The following MGST1 variants were observed in gnomAD, a reference collection of about 807,000 sequenced individuals.
The protein encoded by MGST1 is microsomal glutathione S-transferase 1.
MGST1 carries 5 observed loss-of-function variants against 8.9 expected under a neutral mutation model. The observed-to-expected ratio is 0.56, with a 90% CI of 0.29 to 1.19. The LOEUF (loss-of-function observed/expected upper bound fraction) is 1.19. Ranked by LOEUF, MGST1 falls within the 50% of genes most tolerant of loss-of-function variation. The pLI, the probability that MGST1 is intolerant of heterozygous loss-of-function variation, is 0.08. For synonymous variants in MGST1, 54 were observed against 67.8 expected, an observed-to-expected ratio of 0.80 and a Z score of 1.00; for missense variants, 182 against 187.4, an observed-to-expected ratio of 0.97 and a Z score of 0.17.
At chr12:16,487,642 T>G (rs1175131202) in intron 4 of MGST1, among the ~76,000 whole-genome samples, 1 of 152,152 alleles carries the variant, frequency 6.6e-6, no homozygotes, top group Non-Finnish European at 1.5e-5. Flanking sequence ...ATCTTCTAGA[T>G]CAAGTGATAG....
At chr12:16,408,182 C>A (rs959958358) in intron 1 of MGST1, among the ~76,000 whole-genome samples, 7 of 151,360 alleles carry the variant, frequency 4.6e-5, no homozygotes, top group Non-Finnish European at 7.4e-5. Flanking sequence ...GACATATGGA[C>A]ATAAAGAAGA....
At position 16,417,355 on chromosome 12, in the gene MGST1, A is replaced by G. The variant is rs565753887; in HGVS notation, n.779-20033A>G. ...GCAGCATGGGGGAACTGCCTCCATG[A>G]TCTAATCACCTCCCATGAAGTCCCT... On this transcript the variant is annotated intron_variant and non_coding_transcript_variant, in intron 1 of 1. Coordinates refer to the MGST1 transcript ENST00000359720. Among the ~76,000 whole-genome samples the G allele has an allele frequency of 4.6e-5, 7 of 152,266 alleles. No homozygotes were observed. In the South Asian group the frequency reaches 1.5e-3, roughly 32 times the overall value.
chr12:16,353,367 C>G (rs2136931179), intron 1 of MGST1: 1 of 152,266 alleles, frequency 6.6e-6, no homozygotes, highest in South Asian at 2.1e-4. Flanking sequence ...GAAATTTAGT[C>G]TCAGAGACTG....
chr12:16,376,330 AT>A (rs1449620648), exon 4 of MGST1: 5 of 474,906 alleles, frequency 1.1e-5, no homozygotes, highest in African/African-American at 2.0e-5. Flanking sequence ...ACAATCGGAA[AT>A]TAGCTATTAC....
rs117837293 is a variant in MGST1, at chr12:16,389,325, A to T, written n.778+5721A>T. ...CAGTTATTTGTAATGCAAGAGCACA[A>T]CTTGCCTAAAAATAATGTTGAGAAT... On this transcript the variant is annotated intron_variant and non_coding_transcript_variant, in intron 1 of 1. Coordinates refer to the MGST1 transcript ENST00000359720. This position sits in a 1 kb window ranked among gnomAD's most constrained non-coding sequence, Gnocchi z 4.6. Among the ~76,000 whole-genome samples the T allele has an allele frequency of 6.6e-6, 1 of 152,236 alleles. No individual in the cohort carries two copies. The highest frequency in any genetic ancestry group is 1.9e-4 in the East Asian group (1 of 5,190).
chr12:16,425,252 A>G (rs1039881864), intron 1 of MGST1, among the ~76,000 whole-genome samples: 1 of 152,200 alleles, frequency 6.6e-6, no homozygotes, highest in Non-Finnish European at 1.5e-5. Flanking sequence ...CCATAAAAAT[A>G]TAAATATTTT....
intron 1 of MGST1, among the ~76,000 whole-genome samples, chr12:16,427,818 A>G (rs1940903351): frequency 6.6e-6 from 1 of 151,936 alleles, no homozygotes; most frequent in Non-Finnish European, 1.5e-5. Flanking sequence ...TATTTTTTTA[A>G]TGTTTTTTCT....
At chr12:16,520,291 T>C (rs528543017) in intron 4 of MGST1, among the ~76,000 whole-genome samples, 1 of 152,290 alleles carries the variant, frequency 6.6e-6, no homozygotes, top group South Asian at 2.1e-4. Context: ...GATACTGGTT[T>C]ATTTATGTTC....
At chr12:16,520,043 C>T (rs1004807902) in intron 4 of MGST1, among the ~76,000 whole-genome samples, 7 of 152,146 alleles carry the variant, frequency 4.6e-5, no homozygotes, top group African/African-American at 1.4e-4. Context: ...GTCTATTTCA[C>T]CCATTTAGGA....
chr12:16,515,984 A>G (rs1378413868), intron 4 of MGST1, among the ~76,000 whole-genome samples: 1 of 152,182 alleles, frequency 6.6e-6, no homozygotes, highest in Non-Finnish European at 1.5e-5. Flanking sequence ...ATTGCAGCCT[A>G]GTTTCTCTGT....
At chr12:16,366,123 T>C (rs757706386), downstream of MGST1, among the ~76,000 whole-genome samples, 3 of 152,180 alleles carry the variant, frequency 2.0e-5, no homozygotes, top group Non-Finnish European at 4.4e-5. The surrounding 1 kb of genome is among the most constrained non-coding windows in gnomAD (Gnocchi z 4.0). Context: ...TGATATTCAT[T>C]AGTAGACAAT....
chr12:16,527,791 A>G (rs369490323), intron 4 of MGST1, among the ~76,000 whole-genome samples: 1 of 151,978 alleles, frequency 6.6e-6, no homozygotes, highest in Non-Finnish European at 1.5e-5. Context: ...CCTTGCATGG[A>G]GTCTTTGCTG....
At chr12:16,441,664 AG>A (rs1276781209), downstream of MGST1, among the ~76,000 whole-genome samples, 3 of 151,590 alleles carry the variant, frequency 2.0e-5, no homozygotes, top group East Asian at 5.8e-4. Context: ...TGGCTTGAAT[AG>A]CTCATTTCTT....
chr12:16,401,339 C>T lies in MGST1; in HGVS notation n.778+17735C>T, dbSNP rs1397305759. The stretch of plus-strand genomic sequence containing the variant: ...TTGTATTGATTTTTACTATTGATTA[C>T]TAGGAAGCTTTCATGGAATTCAATT... On this transcript the variant is annotated intron_variant and non_coding_transcript_variant, in intron 1 of 1. Coordinates refer to the MGST1 transcript ENST00000359720. The surrounding 1 kb of genome is among the most constrained non-coding windows in gnomAD (Gnocchi z 4.3). 3 of 1,335,700 alleles carry T rather than the reference C, an allele frequency of 2.2e-6. No homozygotes were observed. Among genetic ancestry groups the T allele is most frequent in the Non-Finnish European group, 3.2e-6 (3 of 930,744 alleles). 82.7% of individuals were successfully genotyped at this position (1,335,700 alleles called of 1,614,324 possible). A position where few individuals can be genotyped will look rare whatever the true frequency, so the allele number is the denominator to read the frequency against.
rs1411887230 is a variant in MGST1 at position 16,576,028 on chromosome 12, TG to T, written n.483-13499del. Among the ~76,000 whole-genome samples the T allele has an allele frequency of 6.6e-6, 1 of 152,138 alleles. No individual in the cohort carries two copies. Among genetic ancestry groups the T allele is most frequent in the African/African-American group, 2.4e-5 (1 of 41,430 alleles). On this transcript the variant is annotated intron_variant and non_coding_transcript_variant, in intron 4 of 4. Coordinates refer to the MGST1 transcript ENST00000538857. The surrounding 1 kb of genome is among the most constrained non-coding windows in gnomAD (Gnocchi z 4.1). ...AGACCCCCAAATCTAGCCCTGCCGCTGTGTTAAAAGGGGATCTGTCCTCTTT... is the reference window on the plus strand; with the variant it reads ...AGACCCCCAAATCTAGCCCTGCCGCTTGTTAAAAGGGGATCTGTCCTCTTT...
intron 4 of MGST1, among the ~76,000 whole-genome samples, chr12:16,494,419 A>G (rs1167936086): frequency 6.6e-6 from 1 of 152,190 alleles, no homozygotes; most frequent in Non-Finnish European, 1.5e-5. Context: ...TGTCTTTTGT[A>G]CACTTTGTGT....
At chr12:16,376,092 T>C in intron 3 of MGST1, 2 of 1,279,580 alleles carry the variant, frequency 1.6e-6, no homozygotes, top group South Asian at 1.4e-5. Context: ...TGAAGGATAT[T>C]AAAAATCTTA....
chr12:16,531,363 CT>C (rs1444109044), intron 4 of MGST1, among the ~76,000 whole-genome samples: 12 of 152,070 alleles, frequency 7.9e-5, no homozygotes, highest in African/African-American at 2.9e-4. Context: ...TTTCTTTCAT[CT>C]TTTTGTTCTT....
intron 4 of MGST1, among the ~76,000 whole-genome samples, chr12:16,579,586 G>A (rs1177328088): frequency 6.6e-6 from 1 of 152,174 alleles, no homozygotes; most frequent in African/African-American, 2.4e-5. Flanking sequence ...CCAGGGTAAT[G>A]GCTCTAAGTA....
Sources: gnomAD v4.1 joint callset for allele counts (sites outside exome capture counted in the v4.1 genomes callset) on GRCh38, gnomAD v4.1.1 for gene constraint, Gnocchi (gnomAD v3.1) non-coding constraint, MANE v1.5 for transcripts, NCBI Gene and HGNC (gene_info 2026-07-23, HGNC 2026-07-21) for gene names.